Variants in ALMS1 observed in about 807,000 individuals in gnomAD.
The protein encoded by ALMS1 is ALMS1 centrosome and basal body associated protein, also known as centrosome-associated protein ALMS1.
A neutral mutation model predicts 352.2 loss-of-function variants in ALMS1; 271 were observed. That is an observed-to-expected ratio of 0.77 (90% CI 0.70 to 0.85). The LOEUF (loss-of-function observed/expected upper bound fraction) is 0.85, where lower values mean the gene tolerates loss of function less well. ALMS1 is among the 40% of genes least tolerant of loss of function. The pLI is 0.00. For synonymous variants in ALMS1, 1,865 were observed against 1,761.2 expected, an observed-to-expected ratio of 1.06 and a Z score of -1.48; for missense variants, 5,445 against 4,870.7, an observed-to-expected ratio of 1.12 and a Z score of -3.51.
Position 73,599,533 on chromosome 2 carries a change from A to C in ALMS1, c.11668+12A>C. On this transcript the variant is annotated intron_variant, in intron 17 of 22. Coordinates refer to ENST00000613296, the MANE Select transcript of ALMS1 (RefSeq NM_001378454.1). ...GGGCATACAAGCAGGTAATTACTTG[A>C]ATCTAAACTTTTTCATTGAAATACA... 1.2e-6 allele frequency: 2 copies of C among 1,613,030 alleles called. No individual in the cohort carries two copies. The highest frequency in any genetic ancestry group is 1.7e-6 in the Non-Finnish European group (2 of 1,179,312).
At chr2:73,421,456 G>A (rs1460758092) in intron 3 of ALMS1, among the ~76,000 whole-genome samples, 2 of 152,120 alleles carry the variant, frequency 1.3e-5, no homozygotes, top group Non-Finnish European at 2.9e-5. Flanking sequence ...GGACTGTTAC[G>A]GAGGTTTAAG....
Position 73,424,747 on chromosome 2 carries a change from T to A in ALMS1, c.1082T>A (p.Leu361Ter). The A allele has an allele frequency of 6.2e-7, 1 of 1,614,034 alleles. No homozygotes were observed. Among genetic ancestry groups the A allele is most frequent in the South Asian group, 1.1e-5 (1 of 91,070 alleles). ...GATACACAGTGGCCTGAAAACAATT[T>A]AGCTGATAAAGATCAAGTTTCAGTT... ...RKDTQWPENN[L>*]ADKDQVSVAT... is the part of the protein sequence containing the mutation. The change falls in exon 5 of 23, where the codon TTA (leucine) becomes TAA (stop). Residue 361 changes from leucine (L) to a stop codon, truncating the protein, a stop_gained. Transcript: ENST00000613296. LOFTEE classifies it high-confidence loss of function.
intron 1 of ALMS1, 80 bp from the exon 2 acceptor site, chr2:73,408,542 G>A: frequency 2.0e-6 from 3 of 1,469,068 alleles, no homozygotes; most frequent in Middle Eastern, 1.7e-4. Flanking sequence ...GGGAAGTATG[G>A]TCTAAATATT....
chr2:73,510,544 G>T (rs1465970139), intron 10 of ALMS1, among the ~76,000 whole-genome samples: 1 of 152,208 alleles, frequency 6.6e-6, no homozygotes, highest in Non-Finnish European at 1.5e-5. Flanking sequence ...ACCAATGAAG[G>T]CTGCAGAACA....
intron 13 of ALMS1, among the ~76,000 whole-genome samples, chr2:73,553,006 T>C (rs2104044141): frequency 6.6e-6 from 1 of 152,250 alleles, no homozygotes; most frequent in South Asian, 2.1e-4. Context: ...ACCAAAGGAC[T>C]AGTATAGGAA....
chr2:73,455,801 ATCT>A (rs1192836788), intron 9 of ALMS1, among the ~76,000 whole-genome samples: 2 of 152,200 alleles, frequency 1.3e-5, no homozygotes, highest in Non-Finnish European at 2.9e-5. Flanking sequence ...TGAAAAATTT[ATCT>A]TCTTAGAAAA....
chr2:73,542,590 G>A (rs1188719033), intron 12 of ALMS1, among the ~76,000 whole-genome samples: 13 of 152,160 alleles, frequency 8.5e-5, no homozygotes, highest in African/African-American at 3.1e-4. Flanking sequence ...GTTTGCAGAT[G>A]ACATGATTGT....
chr2:73,541,167 A>T (rs1336930945), intron 12 of ALMS1, among the ~76,000 whole-genome samples: 1 of 152,190 alleles, frequency 6.6e-6, no homozygotes, highest in Non-Finnish European at 1.5e-5. Context: ...ATTATAACAA[A>T]CTGTCTCTCA....
chr2:73,486,599 A>T (rs532321902), intron 9 of ALMS1, among the ~76,000 whole-genome samples: 2 of 152,318 alleles, frequency 1.3e-5, no homozygotes, highest in East Asian at 3.9e-4. Flanking sequence ...TATGCAAGAG[A>T]AAAAGAAAAC....
At chr2:73,467,833 A>T (rs555782042) in intron 9 of ALMS1, among the ~76,000 whole-genome samples, 1 of 152,224 alleles carries the variant, frequency 6.6e-6, no homozygotes, top group African/African-American at 2.4e-5. Context: ...AAAGCCAGAC[A>T]CAAAGAGTCA....
intron 16 of ALMS1, among the ~76,000 whole-genome samples, chr2:73,583,679 G>T (rs1675247723): frequency 6.6e-6 from 1 of 152,132 alleles, no homozygotes; most frequent in Non-Finnish European, 1.5e-5. Context: ...TAAGATAAGG[G>T]TCCAATTTCA....
intron 2 of ALMS1, among the ~76,000 whole-genome samples, chr2:73,411,226 G>A (rs140713787): frequency 4.6e-5 from 7 of 151,922 alleles, no homozygotes; most frequent in African/African-American, 1.4e-4. Flanking sequence ...GAAGATGGCC[G>A]TGTGAAGATG....
chr2:73,461,042 A>T (rs940680767), intron 9 of ALMS1, among the ~76,000 whole-genome samples: 1 of 152,240 alleles, frequency 6.6e-6, no homozygotes, highest in Non-Finnish European at 1.5e-5. Context: ...AGGCAGCAGT[A>T]ACCTCTGTAG....
chr2:73,579,176 C>T (rs1474193258), intron 16 of ALMS1, among the ~76,000 whole-genome samples: 2 of 149,722 alleles, frequency 1.3e-5, no homozygotes, highest in Non-Finnish European at 2.9e-5. Flanking sequence ...TCTCCTGCCT[C>T]GACCTCCCAA....
At position 73,451,989 on chromosome 2, in the gene ALMS1, C is replaced by G; in HGVS notation, c.5462C>G (p.Pro1821Arg). 4 of 1,613,398 alleles carry G rather than the reference C, an allele frequency of 2.5e-6. No homozygotes were observed. Among genetic ancestry groups the G allele is most frequent in the Non-Finnish European group, 3.4e-6 (4 of 1,179,700 alleles). Residue 1821 changes from proline to arginine, a missense_variant, in exon 8 of 23, where the codon CCG becomes CGG. Physicochemically the swap from Pro to Arg is moderately radical, Grantham distance 103 (BLOSUM62 -2). Transcript: ENST00000613296. The stretch of plus-strand genomic sequence containing the variant: ...ATTGTTTCCTACCAGCGAGAGTTGC[C>G]GCATTTTACTGAAGCAGGTTTGAAA... ...KPIVSYQRELPHFTEAGLKIL... is the reference protein window; with the variant it reads ...KPIVSYQRELRHFTEAGLKIL...
chr2:73,439,530 T>G (rs1671674288), intron 7 of ALMS1, among the ~76,000 whole-genome samples: 1 of 152,202 alleles, frequency 6.6e-6, no homozygotes, highest in Admixed American at 6.5e-5. Flanking sequence ...TGCTAATATC[T>G]GTATTTTAGT....
chr2:73,397,642 T>A (rs1163046366), intron 1 of ALMS1, among the ~76,000 whole-genome samples: 2 of 152,132 alleles, frequency 1.3e-5, no homozygotes, highest in Non-Finnish European at 2.9e-5. Context: ...TAATTATTTT[T>A]CTTGTATTCA....
chr2:73,460,114 T>C (rs1672157074), intron 9 of ALMS1, among the ~76,000 whole-genome samples: 1 of 152,108 alleles, frequency 6.6e-6, no homozygotes, highest in African/African-American at 2.4e-5. Context: ...TTATCCTCCA[T>C]ATATTTACTT....
intron 11 of ALMS1, among the ~76,000 whole-genome samples, chr2:73,530,652 G>T (rs549712676): frequency 1.3e-5 from 2 of 152,328 alleles, no homozygotes; most frequent in East Asian, 1.9e-4. Flanking sequence ...ATTAGTGGGG[G>T]CTCCAACTCA....
Sources: allele counts gnomAD v4.1 joint callset (sites outside exome capture counted in the v4.1 genomes callset), GRCh38; gene constraint gnomAD v4.1.1; transcripts MANE v1.5; gene names NCBI Gene and HGNC (gene_info 2026-07-23, HGNC 2026-07-21).